CSTPP1: variants seen among roughly 807,000 people sequenced by gnomAD.
The protein encoded by CSTPP1 is UPF0705 protein C11orf49.
chr11:46,987,317 A>T, the CSTPP1 span: 2 of 1,610,242 alleles, frequency 1.2e-6, no homozygotes, highest in Non-Finnish European at 1.7e-6. Flanking sequence ...AATAGTAAGT[A>T]CATGAATGTT....
At chr11:47,084,873 G>T in the CSTPP1 span, among the ~76,000 whole-genome samples, 3 of 152,096 alleles carry the variant, frequency 2.0e-5, no homozygotes, top group African/African-American at 7.2e-5. Context: ...AAAAAAGCCT[G>T]ATGAGAATTG....
chr11:47,126,932 C>CA, the CSTPP1 span, among the ~76,000 whole-genome samples: 1,568 of 134,826 alleles, frequency 0.012, 14 homozygotes, highest in African/African-American at 0.018. Flanking sequence ...GATCCTATCT[C>CA]AAAAAAAAAA....
the CSTPP1 span, among the ~76,000 whole-genome samples, chr11:47,112,752 A>G: frequency 6.6e-6 from 1 of 152,346 alleles, no homozygotes; most frequent in East Asian, 1.9e-4. Context: ...GTGACACATA[A>G]TAGATGCTAC....
chr11:47,156,180 G>A, the CSTPP1 span, among the ~76,000 whole-genome samples: 1 of 152,328 alleles, frequency 6.6e-6, no homozygotes, highest in East Asian at 1.9e-4. Context: ...GCTGGAGCCT[G>A]GGGTCTCGCC....
At chr11:46,940,164 C>T in the CSTPP1 span, among the ~76,000 whole-genome samples, 1 of 152,198 alleles carries the variant, frequency 6.6e-6, no homozygotes, top group Non-Finnish European at 1.5e-5. Flanking sequence ...TGAGCCACTG[C>T]GCCTGGCCTC....
chr11:47,096,720 G>A, the CSTPP1 span, among the ~76,000 whole-genome samples: 5 of 149,756 alleles, frequency 3.3e-5, no homozygotes, highest in Admixed American at 6.7e-5. Flanking sequence ...TATTCAATCT[G>A]ATTTTCTCAT....
the CSTPP1 span, among the ~76,000 whole-genome samples, chr11:46,952,281 A>G: frequency 1.3e-5 from 2 of 152,210 alleles, no homozygotes; most frequent in Admixed American, 6.5e-5. Context: ...TTCAGCCAGT[A>G]AAAGGGGAAA....
chr11:47,074,515 A>C, the CSTPP1 span, among the ~76,000 whole-genome samples: 47,506 of 145,006 alleles, frequency 0.33, 8,304 homozygotes, highest in East Asian at 0.71. Context: ...AAAAAAAAAA[A>C]AAAAAACAGA....
chr11:47,022,739 AT>A, the CSTPP1 span, among the ~76,000 whole-genome samples: 1 of 152,144 alleles, frequency 6.6e-6, no homozygotes, highest in African/African-American at 2.4e-5. Flanking sequence ...TAAGACTAAT[AT>A]TTTTAGAAAA....
the CSTPP1 span, among the ~76,000 whole-genome samples, chr11:47,055,147 G>A: frequency 2.0e-5 from 3 of 151,642 alleles, no homozygotes; most frequent in African/African-American, 7.3e-5. Context: ...TATCCAGGCT[G>A]GTCTCAAACT....
chr11:47,158,046 G>A, the CSTPP1 span: 4 of 835,346 alleles, frequency 4.8e-6, no homozygotes, highest in Non-Finnish European at 7.7e-6. Context: ...ACTTCCCAGG[G>A]CCGGACTCAA....
At chr11:46,993,731 T>G in the CSTPP1 span, among the ~76,000 whole-genome samples, 1 of 152,186 alleles carries the variant, frequency 6.6e-6, no homozygotes, top group African/African-American at 2.4e-5. Flanking sequence ...GCTTTGTTCT[T>G]TTGGCTTAGG....
chr11:47,056,836 TA>T, the CSTPP1 span, among the ~76,000 whole-genome samples: 2 of 152,332 alleles, frequency 1.3e-5, no homozygotes, highest in East Asian at 3.9e-4. Context: ...TAATGCCAGG[TA>T]CCTACCTACT....
chr11:47,108,309 C>G, the CSTPP1 span, among the ~76,000 whole-genome samples: 1 of 152,218 alleles, frequency 6.6e-6, no homozygotes, highest in Non-Finnish European at 1.5e-5. Flanking sequence ...ATCCAGGAGA[C>G]ACTGTCCCCT....
chr11:47,053,957 C>G, the CSTPP1 span, among the ~76,000 whole-genome samples: 1 of 150,828 alleles, frequency 6.6e-6, no homozygotes, highest in Non-Finnish European at 1.5e-5. Context: ...AACAAACAAA[C>G]AAACAAAAAA....
the CSTPP1 span, among the ~76,000 whole-genome samples, chr11:47,150,120 G>A: frequency 6.6e-6 from 1 of 151,970 alleles, no homozygotes. Context: ...CTGTCCATCA[G>A]CCTGACCCTC....
At chr11:47,151,306 G>A in the CSTPP1 span, among the ~76,000 whole-genome samples, 2 of 151,960 alleles carry the variant, frequency 1.3e-5, no homozygotes, top group South Asian at 2.1e-4. Context: ...AGTACTACTC[G>A]GGAGGCTGAG....
the CSTPP1 span, among the ~76,000 whole-genome samples, chr11:46,962,920 C>T: frequency 2.7e-3 from 408 of 152,122 alleles, 1 homozygote; most frequent in Non-Finnish European, 4.9e-3. Context: ...CATTACTGCA[C>T]TCCAGCCTGG....
chr11:47,046,660 C>CTTTTTTTTTTTTTTTTTTTTTTT, the CSTPP1 span, among the ~76,000 whole-genome samples: 1 of 79,732 alleles, frequency 1.3e-5, no homozygotes, highest in Non-Finnish European at 2.2e-5. Context: ...ATCTTCTTTT[C>CTTTTTTTTTTTTTTTTTTTTTTT]TTTTTTTTTT....
Sources: allele counts gnomAD v4.1 joint callset (sites outside exome capture counted in the v4.1 genomes callset), GRCh38; gene constraint gnomAD v4.1.1; transcripts MANE v1.5; gene names NCBI Gene and HGNC (gene_info 2026-07-23, HGNC 2026-07-21).